The following USH2A variants were observed in gnomAD, a reference collection of about 807,000 sequenced individuals.
The protein encoded by USH2A is Usher syndrome 2A (autosomal recessive, mild).
Under a neutral mutation model 538.9 loss-of-function variants are expected in USH2A, and 443 were observed. The observed-to-expected ratio is 0.82, with a 90% CI of 0.76 to 0.89. The LOEUF (loss-of-function observed/expected upper bound fraction) is 0.89, where lower values mean the gene tolerates loss of function less well. USH2A is among the 40% of genes least tolerant of loss of function. The pLI is 0.00. For synonymous variants in USH2A, 2,413 were observed against 2,273.5 expected (o/e 1.06, Z -1.75); for missense variants, 6,633 against 6,324.8 (o/e 1.05, Z -1.65).
chr1:216,013,142 AC>A, intron 32 of USH2A, among the ~76,000 whole-genome samples: 1 of 152,084 alleles, frequency 6.6e-6, no homozygotes, highest in East Asian at 1.9e-4. Flanking sequence ...CAATACTTAG[AC>A]CTTTTATACC....
intron 71 of USH2A, among the ~76,000 whole-genome samples, chr1:215,626,168 A>ATG (rs957710054): frequency 9.9e-5 from 15 of 150,866 alleles, no homozygotes; most frequent in Admixed American, 3.3e-4. Flanking sequence ...GTAGAGTGGG[A>ATG]TGTGTGTGTG....
intron 44 of USH2A, among the ~76,000 whole-genome samples, chr1:215,856,715 G>T (rs894605855): frequency 2.0e-5 from 3 of 152,252 alleles, no homozygotes; most frequent in East Asian, 3.9e-4. Flanking sequence ...AAGAGGAAAA[G>T]AAGTCATTAT....
rs777378521 is a variant in USH2A at position 216,175,277 on chromosome 1, A to C, written c.4602T>G (p.Thr1534=). The C allele has an allele frequency of 5.9e-5, 95 of 1,613,648 alleles. 2 individuals are homozygous for C. The South Asian group carries it at 1.0e-3, about 18-fold the overall frequency. The change falls in exon 21 of 72, where the codon ACT becomes ACG. Residue 1534 remains threonine (T), a synonymous_variant. Coordinates refer to ENST00000307340, the MANE Select transcript of USH2A (RefSeq NM_206933.4). ...CAGTGAAGTCTGTATTGACTGGGTGAGTGGAGCTGGGAAATTTACAATACC... is the reference window on the plus strand; with the variant it reads ...CAGTGAAGTCTGTATTGACTGGGTGCGTGGAGCTGGGAAATTTACAATACC... ...GNGYCKFPSS[T]HPVNTDFTGI...
Position 215,733,546 on chromosome 1 carries a change from C to T in USH2A, c.11712-5162G>A, listed in dbSNP as rs576404956. ...CTCAAAAGCCCCAAGTCTCAAGTAC[C>T]AAGTCTAAAATCTCATCTGGAGACT... On this transcript the variant is annotated intron_variant, in intron 60 of 71. Transcript: ENST00000307340. Among the ~76,000 whole-genome samples, 30 of 152,274 alleles carry T rather than the reference C, an allele frequency of 2.0e-4. No individual in the cohort carries two copies. In the South Asian group the frequency reaches 6.2e-3, roughly 32 times the overall value.
intron 38 of USH2A, among the ~76,000 whole-genome samples, chr1:215,917,836 G>A (rs1274647571): frequency 6.7e-6 from 1 of 149,540 alleles, no homozygotes; most frequent in African/African-American, 2.5e-5. Flanking sequence ...GGTGGTGCAT[G>A]CCTGTATTGC....
intron 11 of USH2A, among the ~76,000 whole-genome samples, chr1:216,263,744 A>G (rs910799600): frequency 4.6e-5 from 7 of 152,124 alleles, no homozygotes; most frequent in African/African-American, 1.7e-4. Flanking sequence ...TCTTTATTCA[A>G]CCTAGAACTA....
intron 24 of USH2A, among the ~76,000 whole-genome samples, chr1:216,085,527 G>C (rs2032102167): frequency 1.3e-5 from 2 of 152,048 alleles, no homozygotes; most frequent in Admixed American, 1.3e-4. Context: ...CTTTCCTATG[G>C]GGGCAAAGCT....
chr1:216,397,186 C>G (rs757870597), intron 3 of USH2A, among the ~76,000 whole-genome samples: 45 of 152,112 alleles, frequency 3.0e-4, no homozygotes, highest in African/African-American at 1.0e-3. Context: ...TTTCAAACTG[C>G]CTTTTAATTT....
intron 41 of USH2A, among the ~76,000 whole-genome samples, chr1:215,884,899 T>C (rs1386164849): frequency 6.6e-6 from 1 of 152,190 alleles, no homozygotes; most frequent in Non-Finnish European, 1.5e-5. Flanking sequence ...GTGAGGACCC[T>C]ACTGTATAAG....
At chr1:215,861,847 T>TG (rs1160101675) in intron 44 of USH2A, among the ~76,000 whole-genome samples, 1 of 119,848 alleles carries the variant, frequency 8.3e-6, no homozygotes, top group Non-Finnish European at 1.8e-5. Flanking sequence ...GCTTTTTTTT[T>TG]TTTTTTTTTT....
At chr1:216,130,180 G>C (rs937728478) in intron 21 of USH2A, among the ~76,000 whole-genome samples, 2 of 151,780 alleles carry the variant, frequency 1.3e-5, no homozygotes, top group African/African-American at 4.8e-5. Flanking sequence ...ATTTCCACGG[G>C]TTACTGGGCA....
chr1:215,704,885 T>C (rs1659140327), intron 61 of USH2A, among the ~76,000 whole-genome samples: 1 of 152,192 alleles, frequency 6.6e-6, no homozygotes, highest in African/African-American at 2.4e-5. Flanking sequence ...TTATATTAGA[T>C]TGATCTATTT....
intron 21 of USH2A, among the ~76,000 whole-genome samples, chr1:216,111,780 T>C (rs2032879569): frequency 6.6e-6 from 1 of 150,978 alleles, no homozygotes; most frequent in Non-Finnish European, 1.5e-5. Context: ...AAAATTAATT[T>C]ATTCTATTAG....
intron 30 of USH2A, among the ~76,000 whole-genome samples, chr1:216,064,608 C>T (rs2031292117): frequency 6.6e-6 from 1 of 151,838 alleles, no homozygotes; most frequent in Admixed American, 6.6e-5. Flanking sequence ...ATGTTTTGGT[C>T]AACAACAGAC....
intron 17 of USH2A, 149 bp from the exon 18 acceptor site, chr1:216,198,733 G>A: frequency 2.5e-6 from 2 of 787,440 alleles, no homozygotes; most frequent in Non-Finnish European, 4.0e-6. Flanking sequence ...TCAAAATGTA[G>A]TGATTTAGTA....
chr1:216,086,878 C>G, intron 23 of USH2A, 58 bp from the exon 24 acceptor site: 1 of 1,339,764 alleles, frequency 7.5e-7, no homozygotes, highest in South Asian at 1.2e-5. Context: ...TTTACTAGCT[C>G]AGCAAATAAT....
intron 30 of USH2A, among the ~76,000 whole-genome samples, chr1:216,069,487 T>C (rs777132922): frequency 3.3e-5 from 5 of 152,202 alleles, no homozygotes; most frequent in Non-Finnish European, 5.9e-5. Context: ...AATTAAACTC[T>C]CCCTTTAAAT....
chr1:216,087,752 ACTT>A (rs1248021778), intron 23 of USH2A, among the ~76,000 whole-genome samples: 2 of 152,086 alleles, frequency 1.3e-5, no homozygotes, highest in Admixed American at 6.6e-5. Context: ...GAATCTGAAT[ACTT>A]CTTATTATAT....
At chr1:215,693,259 G>T (rs1181596900) in intron 61 of USH2A, among the ~76,000 whole-genome samples, 3 of 151,788 alleles carry the variant, frequency 2.0e-5, no homozygotes, top group African/African-American at 7.3e-5. Context: ...GGGATTACAG[G>T]TATGAGCCAC....
Sources: allele counts gnomAD v4.1 joint callset (sites outside exome capture counted in the v4.1 genomes callset), GRCh38; gene constraint gnomAD v4.1.1; transcripts MANE v1.5; gene names NCBI Gene and HGNC (gene_info 2026-07-23, HGNC 2026-07-21).